BLTP3B: variants seen among roughly 807,000 people sequenced by gnomAD.
BLTP3B encodes the protein bridge-like lipid transfer protein family member 3B.
chr12:100,103,419 T>C, the BLTP3B span, among the ~76,000 whole-genome samples: 1 of 152,160 alleles, frequency 6.6e-6, no homozygotes, highest in Non-Finnish European at 1.5e-5. Flanking sequence ...TCATTCTTCA[T>C]TCTCTATTTC....
chr12:100,074,408 G>A, the BLTP3B span, among the ~76,000 whole-genome samples: 2 of 152,230 alleles, frequency 1.3e-5, no homozygotes, highest in South Asian at 4.2e-4. Context: ...AGACCAGCGT[G>A]GCCAACATGG....
the BLTP3B span, chr12:100,083,281 A>G: frequency 1.7e-6 from 1 of 582,392 alleles, no homozygotes; most frequent in Non-Finnish European, 3.0e-6. Context: ...TAAATTATAA[A>G]GTAATACAGG....
At chr12:100,080,165 G>A in the BLTP3B span, among the ~76,000 whole-genome samples, 2 of 152,158 alleles carry the variant, frequency 1.3e-5, no homozygotes, top group African/African-American at 2.4e-5. Flanking sequence ...CCACCTAGTG[G>A]AGCTGTGAGA....
chr12:100,059,981 T>C, the BLTP3B span: 1 of 1,612,934 alleles, frequency 6.2e-7, no homozygotes, highest in Admixed American at 1.7e-5. Flanking sequence ...AACCATAGAA[T>C]GCTTCTTTCA....
At chr12:100,068,219 A>G in the BLTP3B span, among the ~76,000 whole-genome samples, 1 of 152,254 alleles carries the variant, frequency 6.6e-6, no homozygotes, top group Non-Finnish European at 1.5e-5. Flanking sequence ...CTGATCTTCA[A>G]CAAGGCAAAC....
chr12:100,051,485 A>G, the BLTP3B span: 2 of 292,050 alleles, frequency 6.8e-6, no homozygotes, highest in Non-Finnish European at 1.2e-5. Flanking sequence ...CTTTTAAAAA[A>G]TGCCATAAAA....
chr12:100,081,228 GA>G, the BLTP3B span, among the ~76,000 whole-genome samples: 1 of 151,994 alleles, frequency 6.6e-6, no homozygotes, highest in Non-Finnish European at 1.5e-5. Context: ...TACAGAGGAG[GA>G]AAAAAAGACT....
chr12:100,102,651 A>G, the BLTP3B span: 4 of 703,778 alleles, frequency 5.7e-6, no homozygotes, highest in Non-Finnish European at 9.4e-6. Flanking sequence ...AAAATTGTAA[A>G]ATGTTTGATG....
the BLTP3B span, among the ~76,000 whole-genome samples, chr12:100,131,868 C>T: frequency 6.6e-6 from 1 of 152,196 alleles, no homozygotes; most frequent in African/African-American, 2.4e-5. Context: ...CAGCTCACTG[C>T]AACCTCCGCC....
the BLTP3B span, among the ~76,000 whole-genome samples, chr12:100,100,263 C>T: frequency 6.6e-6 from 1 of 152,026 alleles, no homozygotes; most frequent in African/African-American, 2.4e-5. Context: ...TGAGATGGCA[C>T]CACTGCACTC....
chr12:100,095,112 A>G, the BLTP3B span, among the ~76,000 whole-genome samples: 1 of 152,216 alleles, frequency 6.6e-6, no homozygotes, highest in Non-Finnish European at 1.5e-5. Flanking sequence ...CTCAGAACTT[A>G]CTACTGGGAA....
the BLTP3B span, among the ~76,000 whole-genome samples, chr12:100,135,086 G>A: frequency 2.3e-3 from 353 of 152,130 alleles, 8 homozygotes; most frequent in East Asian, 0.04. Context: ...TCACTACAAG[G>A]TCCCACATGA....
the BLTP3B span, among the ~76,000 whole-genome samples, chr12:100,054,184 G>A: frequency 2.0e-5 from 3 of 151,942 alleles, no homozygotes; most frequent in African/African-American, 7.3e-5. Context: ...AAAAGGCTAT[G>A]GTACATTCTT....
At chr12:100,048,553 A>T in the BLTP3B span, among the ~76,000 whole-genome samples, 1 of 152,042 alleles carries the variant, frequency 6.6e-6, no homozygotes, top group Non-Finnish European at 1.5e-5. Flanking sequence ...ATTTAAAGTG[A>T]CTCTTAAGCC....
At chr12:100,078,494 T>C in the BLTP3B span, among the ~76,000 whole-genome samples, 1 of 152,098 alleles carries the variant, frequency 6.6e-6, no homozygotes, top group Non-Finnish European at 1.5e-5. Flanking sequence ...TGATAGTTTA[T>C]GATAGCAAAA....
At chr12:100,100,590 T>C in the BLTP3B span, among the ~76,000 whole-genome samples, 1 of 152,042 alleles carries the variant, frequency 6.6e-6, no homozygotes, top group Non-Finnish European at 1.5e-5. Context: ...CTTGCACCTG[T>C]AGTCCCAACT....
chr12:100,124,950 A>ATT, the BLTP3B span, among the ~76,000 whole-genome samples: 1 of 57,132 alleles, frequency 1.8e-5, no homozygotes, highest in Non-Finnish European at 3.7e-5. Flanking sequence ...ATATATATAT[A>ATT]TATATATATA....
At chr12:100,082,900 C>A in the BLTP3B span, 1 of 705,174 alleles carries the variant, frequency 1.4e-6, no homozygotes, top group Non-Finnish European at 2.3e-6. Context: ...CTAATATGGC[C>A]ATTTCATAAA....
the BLTP3B span, among the ~76,000 whole-genome samples, chr12:100,061,978 G>C: frequency 4.6e-5 from 7 of 152,180 alleles, no homozygotes; most frequent in Non-Finnish European, 1.0e-4. Flanking sequence ...ACGGTAAAAT[G>C]AGTTCACTGG....
Sources: gnomAD v4.1 joint callset for allele counts (sites outside exome capture counted in the v4.1 genomes callset) on GRCh38, gnomAD v4.1.1 for gene constraint, MANE v1.5 for transcripts, NCBI Gene and HGNC (gene_info 2026-07-23, HGNC 2026-07-21) for gene names.